PTPRD: variants seen among roughly 807,000 people sequenced by gnomAD.
PTPRD encodes the protein receptor-type tyrosine-protein phosphatase delta.
In PTPRD, 34 loss-of-function variants were observed where a neutral mutation model predicts 214.5. The ratio of observed to expected loss-of-function variants is 0.16; its 90% CI spans 0.12 to 0.21. PTPRD has a LOEUF of 0.21. PTPRD is among the 10% of genes least tolerant of loss of function. The probability of loss-of-function intolerance (pLI) is 1.00; values close to 1 mark genes in which losing one functional copy is unlikely to be tolerated. For missense variants in PTPRD, 2,545 were observed against 2,398.7 expected (o/e 1.06, Z -1.27); for synonymous variants, 1,128 against 845.7 (o/e 1.33, Z -5.79).
intron 5 of PTPRD, among the ~76,000 whole-genome samples, chr9:9,925,329 G>A (rs182589429): frequency 6.6e-4 from 100 of 152,064 alleles, no homozygotes; most frequent in African/African-American, 2.4e-3. Flanking sequence ...AAACAAAAAT[G>A]TGTATATTTA....
chr9:9,230,754 G>C (rs1216254627), intron 9 of PTPRD, among the ~76,000 whole-genome samples: 2 of 152,070 alleles, frequency 1.3e-5, no homozygotes, highest in African/African-American at 2.4e-5. Flanking sequence ...TCCAGACTAA[G>C]AGATGCTATA....
At position 9,696,060 on chromosome 9, in the gene PTPRD, G is replaced by A. The variant is rs529728932; in HGVS notation, c.-287+38473C>T. ...ATGGGAGACTTTTTATTACAGCTTC[G>A]ACCTTGTTAGTTTTTATTGGTTTGC... On this transcript the variant is annotated intron_variant, in intron 7 of 45. Transcript: ENST00000381196. Among the ~76,000 whole-genome samples, 7 of 151,962 alleles carry A rather than the reference G, an allele frequency of 4.6e-5. No individual in the cohort carries two copies. The East Asian group carries it at 1.2e-3, about 25-fold the overall frequency.
chr9:9,212,863 G>C (rs1449625050), intron 9 of PTPRD, among the ~76,000 whole-genome samples: 1 of 152,120 alleles, frequency 6.6e-6, no homozygotes, highest in African/African-American at 2.4e-5. Context: ...TTAGGAGTTA[G>C]ATCTGGGTTT....
intron 8 of PTPRD, among the ~76,000 whole-genome samples, chr9:9,483,916 T>C (rs1236724550): frequency 6.6e-6 from 1 of 151,848 alleles, no homozygotes; most frequent in Non-Finnish European, 1.5e-5. Flanking sequence ...TCCTATCACG[T>C]TTATGTTATA....
chr9:8,594,450 A>G (rs1312423666), intron 14 of PTPRD, among the ~76,000 whole-genome samples: 1 of 152,142 alleles, frequency 6.6e-6, no homozygotes, highest in East Asian at 1.9e-4. Flanking sequence ...AATCCTGGCA[A>G]ACAACTCCAC....
In PTPRD at chr9:9,956,638, G is replaced by A. The variant is rs949032030; in HGVS notation, c.-471-18028C>T. ...TTATTCTTCACAAATAGCTATTTCA[G>A]ATAATTAAGGTAGGACATATGTGAA... On this transcript the variant is annotated intron_variant, in intron 4 of 45. Coordinates refer to ENST00000381196, the MANE Select transcript of PTPRD (RefSeq NM_002839.4). 2.0e-5 allele frequency among the ~76,000 whole-genome samples: 3 copies of A among 152,032 alleles called. No homozygotes were observed. The East Asian group carries it at 5.8e-4, about 29-fold the overall frequency.
chr9:10,270,971 C>T (rs143967250), intron 3 of PTPRD, among the ~76,000 whole-genome samples: 326 of 152,086 alleles, frequency 2.1e-3, no homozygotes, highest in African/African-American at 7.5e-3. Context: ...TAGAAGAGTG[C>T]CCCACCATGT....
intron 2 of PTPRD, among the ~76,000 whole-genome samples, chr9:10,443,131 TTAGAGA>T (rs894676534): frequency 1.3e-5 from 2 of 151,356 alleles, no homozygotes; most frequent in Admixed American, 1.3e-4. Context: ...TGTTTTTTTA[TTAGAGA>T]TAGAGTCATG....
intron 2 of PTPRD, among the ~76,000 whole-genome samples, chr9:10,479,192 G>C (rs1250709817): frequency 6.6e-6 from 1 of 152,090 alleles, no homozygotes; most frequent in African/African-American, 2.4e-5. Flanking sequence ...TAATGGCACA[G>C]AATTTCCAGG....
At chr9:10,034,421 T>G (rs1163926498) in intron 3 of PTPRD, among the ~76,000 whole-genome samples, 1 of 151,020 alleles carries the variant, frequency 6.6e-6, no homozygotes, top group Non-Finnish European at 1.5e-5. Flanking sequence ...TTTTTTTTTT[T>G]TTTTTTTTTT....
chr9:8,640,797 C>T (rs1271674805), intron 12 of PTPRD, among the ~76,000 whole-genome samples: 2 of 151,852 alleles, frequency 1.3e-5, no homozygotes, highest in Non-Finnish European at 2.9e-5. Flanking sequence ...CCACAAGATC[C>T]GAACTACAAA....
At chr9:10,100,983 T>A (rs2098546321) in intron 3 of PTPRD, among the ~76,000 whole-genome samples, 1 of 151,770 alleles carries the variant, frequency 6.6e-6, no homozygotes, top group South Asian at 2.1e-4. Context: ...TTCCTTAGGA[T>A]GGGCTTTTCA....
At chr9:8,518,545 A>C (rs2097827847) in intron 20 of PTPRD, 116 bp from the exon 21 acceptor site, 1 of 750,876 alleles carries the variant, frequency 1.3e-6, no homozygotes, top group Non-Finnish European at 2.0e-6. Flanking sequence ...GATTTAATTA[A>C]ATGAAATTAT....
intron 3 of PTPRD, among the ~76,000 whole-genome samples, chr9:10,226,778 T>C (rs776327752): frequency 2.0e-5 from 3 of 152,038 alleles, no homozygotes; most frequent in Non-Finnish European, 4.4e-5. Flanking sequence ...TAGGGACTCA[T>C]CAGGGAACAG....
chr9:8,743,104 TA>T (rs547291774), intron 11 of PTPRD, among the ~76,000 whole-genome samples: 2,128 of 94,718 alleles, frequency 0.022, 30 homozygotes, highest in Admixed American at 0.068. Context: ...AATTCCAAAT[TA>T]AAAAAAAAAG....
At chr9:9,157,871 T>A (rs1413067928) in intron 10 of PTPRD, among the ~76,000 whole-genome samples, 2 of 152,262 alleles carry the variant, frequency 1.3e-5, no homozygotes, top group Middle Eastern at 3.4e-3. Context: ...TGCTCTCCCT[T>A]GCCTGACCCC....
chr9:8,670,886 T>C (rs1449588714), intron 12 of PTPRD, among the ~76,000 whole-genome samples: 2 of 152,100 alleles, frequency 1.3e-5, no homozygotes, highest in East Asian at 1.9e-4. Context: ...ACTGGTACAT[T>C]TGAGAGAGCA....
At chr9:9,549,041 A>G (rs1208154955) in intron 8 of PTPRD, among the ~76,000 whole-genome samples, 2 of 152,160 alleles carry the variant, frequency 1.3e-5, no homozygotes, top group Admixed American at 6.6e-5. Flanking sequence ...ACAACTTCAG[A>G]ATATATCTCT....
At position 10,236,953 on chromosome 9, in the gene PTPRD, G is replaced by A. The variant is rs1323010483; in HGVS notation, c.-545+104010C>T. ...GGGGGGGCTGAAAAGATGAATAGGT[G>A]ACTCACAGATAATTTTTAGAGCAGT... On this transcript the variant is annotated intron_variant, in intron 3 of 45. Coordinates refer to ENST00000381196, the MANE Select transcript of PTPRD (RefSeq NM_002839.4). Among the ~76,000 whole-genome samples, 3 of 151,790 alleles carry A rather than the reference G, an allele frequency of 2.0e-5. No homozygotes were observed. The Admixed American group carries it at 2.0e-4, about 10-fold the overall frequency.
Sources: allele counts gnomAD v4.1 joint callset (sites outside exome capture counted in the v4.1 genomes callset), GRCh38; gene constraint gnomAD v4.1.1; transcripts MANE v1.5; gene names NCBI Gene and HGNC (gene_info 2026-07-23, HGNC 2026-07-21).